PKIG: variants seen among roughly 807,000 people sequenced by gnomAD.
The protein encoded by PKIG is protein kinase (cAMP-dependent, catalytic) inhibitor gamma.
A neutral mutation model predicts 6.8 loss-of-function variants in PKIG; 1 was observed. The ratio of observed to expected loss-of-function variants is 0.15; its 90% confidence interval spans 0.05 to 0.69. The LOEUF (loss-of-function observed/expected upper bound fraction) is 0.69. Ranked by LOEUF, PKIG falls within the 30% of genes least tolerant of loss-of-function variation. The pLI is 0.82. For synonymous variants in PKIG, 39 were observed against 43.0 expected (o/e 0.91, Z 0.36); for missense variants, 77 against 104.0 (o/e 0.74, Z 1.13).
At chr20:44,609,216 T>A (rs1280935082) in intron 2 of PKIG, among the ~76,000 whole-genome samples, 1 of 152,190 alleles carries the variant, frequency 6.6e-6, no homozygotes, top group East Asian at 1.9e-4. Context: ...TTGGCCCAGC[T>A]GATGTTTTCT....
intron 1 of PKIG, among the ~76,000 whole-genome samples, chr20:44,586,792 C>G (rs1196387342): frequency 6.6e-6 from 1 of 152,234 alleles, no homozygotes; most frequent in Non-Finnish European, 1.5e-5. Context: ...TGGAGTACTG[C>G]TCCTTCAAAG....
chr20:44,615,122 A>C (rs1437269146), intron 3 of PKIG, among the ~76,000 whole-genome samples: 10 of 151,464 alleles, frequency 6.6e-5, no homozygotes. Context: ...CATTCTGTCC[A>C]TCATGCTTCT....
chr20:44,557,455 G>A (rs2064722919), intron 1 of PKIG, among the ~76,000 whole-genome samples: 1 of 150,710 alleles, frequency 6.6e-6, no homozygotes, highest in South Asian at 2.1e-4. Flanking sequence ...GAACCTGGGA[G>A]GCAGAGGTTG....
At chr20:44,590,146 G>A (rs888210648) in intron 2 of PKIG, among the ~76,000 whole-genome samples, 1 of 151,912 alleles carries the variant, frequency 6.6e-6, no homozygotes, top group African/African-American at 2.4e-5. Context: ...TGGGTTTCCC[G>A]GCCATGTACT....
At chr20:44,550,772 C>T (rs1245510734) in intron 1 of PKIG, among the ~76,000 whole-genome samples, 5 of 152,122 alleles carry the variant, frequency 3.3e-5, no homozygotes, top group Non-Finnish European at 5.9e-5. Flanking sequence ...GGGACAGTAA[C>T]CTGCCTAAGG....
intron 1 of PKIG, among the ~76,000 whole-genome samples, chr20:44,544,493 T>G (rs1238163939): frequency 6.6e-6 from 1 of 152,188 alleles, no homozygotes; most frequent in Non-Finnish European, 1.5e-5. Flanking sequence ...GCCTAGATCT[T>G]TCTCTCTTTC....
intron 2 of PKIG, among the ~76,000 whole-genome samples, chr20:44,605,524 GA>G (rs1488079682): frequency 4.6e-5 from 7 of 151,604 alleles, no homozygotes; most frequent in Admixed American, 3.9e-4. Context: ...CAAATGATTT[GA>G]GATAGGTAGA....
intron 1 of PKIG, among the ~76,000 whole-genome samples, chr20:44,549,030 G>A (rs2064643962): frequency 6.6e-6 from 1 of 152,190 alleles, no homozygotes; most frequent in African/African-American, 2.4e-5. Context: ...CTGGGTATGA[G>A]AGTTATATAA....
chr20:44,532,666 A>G (rs1426786268), intron 1 of PKIG, among the ~76,000 whole-genome samples: 1 of 152,212 alleles, frequency 6.6e-6, no homozygotes, highest in African/African-American at 2.4e-5. Context: ...CACAGAGAAA[A>G]CAGTTAACCT....
intron 1 of PKIG, among the ~76,000 whole-genome samples, chr20:44,534,163 G>C (rs773219018): frequency 9.9e-5 from 15 of 152,152 alleles, no homozygotes; most frequent in Non-Finnish European, 2.2e-4. Flanking sequence ...AATGCTGTTG[G>C]CAAAGAGCCA....
intron 2 of PKIG, among the ~76,000 whole-genome samples, chr20:44,591,004 T>C (rs987004369): frequency 1.3e-5 from 2 of 152,194 alleles, no homozygotes; most frequent in Non-Finnish European, 2.9e-5. Context: ...GCATCTTCTA[T>C]AAATTGGACA....
Position 44,614,891 on chromosome 20 carries a change from G to A in PKIG, c.151+184G>A. 1 of 634,474 alleles carries A rather than the reference G, an allele frequency of 1.6e-6. No homozygotes were observed. The highest frequency in any genetic ancestry group is 2.7e-6 in the Non-Finnish European group (1 of 372,054). The allele number at this position is 634,474 out of a possible 1,614,324, so 39.3% of individuals were successfully genotyped here. ...AGGTTGGAAGATGTTTGAGTCTCAGGCCCCAAGGACTCCTCTGGACAGGCA... is the reference window on the plus strand; with the variant it reads ...AGGTTGGAAGATGTTTGAGTCTCAGACCCCAAGGACTCCTCTGGACAGGCA... On this transcript the variant is annotated intron_variant, in intron 3 of 3. Transcript: ENST00000372886. This position sits in a 1 kb window ranked among gnomAD's most constrained non-coding sequence, Gnocchi z 4.6.
chr20:44,565,751 A>G (rs980365146), intron 1 of PKIG, among the ~76,000 whole-genome samples: 5 of 152,122 alleles, frequency 3.3e-5, no homozygotes, highest in Non-Finnish European at 5.9e-5. Flanking sequence ...ACCTCAGGCA[A>G]TCATAGGTGA....
intron 1 of PKIG, among the ~76,000 whole-genome samples, chr20:44,555,837 T>C (rs1437238461): frequency 1.3e-5 from 2 of 152,202 alleles, no homozygotes; most frequent in Non-Finnish European, 2.9e-5. Context: ...TTATTTATTT[T>C]ATTTTATTTT....
chr20:44,584,497 A>C (rs1371710761), intron 1 of PKIG, among the ~76,000 whole-genome samples: 1 of 151,972 alleles, frequency 6.6e-6, no homozygotes, highest in African/African-American at 2.4e-5. Flanking sequence ...GCAAAAAAAA[A>C]AAAAAAAAAG....
intron 2 of PKIG, among the ~76,000 whole-genome samples, chr20:44,601,455 G>C (rs951806417): frequency 1.3e-5 from 2 of 152,240 alleles, no homozygotes; most frequent in Non-Finnish European, 2.9e-5. Context: ...GGATAGAACC[G>C]GCAGCCCTCC....
At chr20:44,568,405 C>T (rs2064827522) in intron 1 of PKIG, among the ~76,000 whole-genome samples, 1 of 151,820 alleles carries the variant, frequency 6.6e-6, no homozygotes, top group Non-Finnish European at 1.5e-5. Flanking sequence ...CCATTTTTTT[C>T]TACTTTCCGT....
chr20:44,558,399 A>G (rs1271500422), intron 1 of PKIG, among the ~76,000 whole-genome samples: 2 of 152,176 alleles, frequency 1.3e-5, no homozygotes, highest in East Asian at 1.9e-4. Context: ...TGATTTTGGT[A>G]AAGTTCAGAT....
chr20:44,581,486 A>G (rs1328881635), upstream of PKIG, among the ~76,000 whole-genome samples: 1 of 152,166 alleles, frequency 6.6e-6, no homozygotes, highest in Non-Finnish European at 1.5e-5. Context: ...CCTAACCACT[A>G]TGCATGTCAC....
Sources: allele counts gnomAD v4.1 joint callset (sites outside exome capture counted in the v4.1 genomes callset), GRCh38; gene constraint gnomAD v4.1.1; non-coding constraint Gnocchi (gnomAD v3.1); transcripts MANE v1.5; gene names NCBI Gene and HGNC (gene_info 2026-07-23, HGNC 2026-07-21).